SLC9A9: variants seen among roughly 807,000 people sequenced by gnomAD.
SLC9A9 encodes the protein sodium/hydrogen exchanger 9.
In SLC9A9, 62 loss-of-function variants were observed where a neutral mutation model predicts 77.8. The observed-to-expected ratio is 0.80, with a 90% CI of 0.65 to 0.98. The LOEUF (loss-of-function observed/expected upper bound fraction) is 0.98. Among genes scored for constraint, SLC9A9 ranks in the 50% least tolerant of loss-of-function variants. The pLI, the probability that SLC9A9 is intolerant of heterozygous loss-of-function variation, is 0.00. For missense variants in SLC9A9, 775 were observed against 774.9 expected, an observed-to-expected ratio of 1.00 and a Z score of 0.00; for synonymous variants, 320 against 283.5, an observed-to-expected ratio of 1.13 and a Z score of -1.29.
intron 11 of SLC9A9, among the ~76,000 whole-genome samples, chr3:143,475,735 T>G (rs2035465278): frequency 6.8e-6 from 1 of 148,114 alleles, no homozygotes; most frequent in Non-Finnish European, 1.5e-5. Flanking sequence ...GAGCTTGCAG[T>G]AAGCTGAGGT....
chr3:143,431,632 C>A (rs2034518459), intron 12 of SLC9A9, among the ~76,000 whole-genome samples: 1 of 152,020 alleles, frequency 6.6e-6, no homozygotes, highest in Non-Finnish European at 1.5e-5. Context: ...CAGGCACCCG[C>A]CACCATGCCC....
At chr3:143,578,211 A>T (rs924811386) in intron 7 of SLC9A9, among the ~76,000 whole-genome samples, 1 of 152,120 alleles carries the variant, frequency 6.6e-6, no homozygotes, top group Non-Finnish European at 1.5e-5. Flanking sequence ...ATCACCCTTA[A>T]TCAATTGTCT....
chr3:143,826,608 A>G lies in SLC9A9; in HGVS notation c.378+5411T>C, dbSNP rs149703740. 7.2e-3 allele frequency among the ~76,000 whole-genome samples: 1,096 copies of G among 152,290 alleles called. 7 individuals are homozygous for G. Among genetic ancestry groups the G allele is most frequent in the Middle Eastern group, 0.014 (4 of 294 alleles). On this transcript the variant is annotated intron_variant, in intron 2 of 15. Coordinates refer to ENST00000316549, the MANE Select transcript of SLC9A9 (RefSeq NM_173653.4). Reference sequence around the variant, plus strand: ...ACTACAAATAGAGAGGGCATTACTCAGCCTGGCATTCAGGGGCTTCCAAAT... The same window carrying G: ...ACTACAAATAGAGAGGGCATTACTCGGCCTGGCATTCAGGGGCTTCCAAAT...
chr3:143,841,793 A>T (rs1489316505), intron 1 of SLC9A9, among the ~76,000 whole-genome samples: 17 of 26,564 alleles, frequency 6.4e-4, no homozygotes, highest in Admixed American at 2.1e-3. Flanking sequence ...TCTTCCCGTC[A>T]CCTAGGTTGG....
At chr3:143,474,941 G>A (rs1043889310) in intron 11 of SLC9A9, among the ~76,000 whole-genome samples, 1 of 145,836 alleles carries the variant, frequency 6.9e-6, no homozygotes, top group Non-Finnish European at 1.5e-5. Context: ...AGACCTAAGT[G>A]CTCTCACCTT....
chr3:143,502,681 G>A (rs2035944633), intron 9 of SLC9A9, among the ~76,000 whole-genome samples: 1 of 152,040 alleles, frequency 6.6e-6, no homozygotes, highest in South Asian at 2.1e-4. Context: ...CAGCTTTTAT[G>A]AGGCTCGACA....
At chr3:143,588,586 A>G (rs2037594120) in intron 6 of SLC9A9, among the ~76,000 whole-genome samples, 1 of 152,244 alleles carries the variant, frequency 6.6e-6, no homozygotes, top group Non-Finnish European at 1.5e-5. Flanking sequence ...GTTATGAATT[A>G]TATGTGCATT....
chr3:143,268,311 G>C (rs1029725791), intron 15 of SLC9A9, among the ~76,000 whole-genome samples: 1 of 152,156 alleles, frequency 6.6e-6, no homozygotes, highest in Non-Finnish European at 1.5e-5. Context: ...AGTTTGTGAG[G>C]ATGCTTCTTT....
At chr3:143,801,292 T>G (rs1203705113) in intron 2 of SLC9A9, among the ~76,000 whole-genome samples, 3 of 152,222 alleles carry the variant, frequency 2.0e-5, no homozygotes, top group African/African-American at 7.2e-5. Context: ...TGTTTTAGAC[T>G]GGCCATGATG....
intron 4 of SLC9A9, among the ~76,000 whole-genome samples, chr3:143,737,264 G>T (rs1030921434): frequency 6.6e-6 from 1 of 152,024 alleles, no homozygotes; most frequent in Non-Finnish European, 1.5e-5. Context: ...TCCTTTAATT[G>T]TTCTATTACT....
intron 14 of SLC9A9, among the ~76,000 whole-genome samples, chr3:143,322,686 T>G (rs775095573): frequency 2.0e-5 from 3 of 152,214 alleles, no homozygotes; most frequent in Non-Finnish European, 2.9e-5. Flanking sequence ...TGTGTATGTG[T>G]TCAAACCAGA....
chr3:143,515,221 A>G (rs1019868218), intron 9 of SLC9A9, among the ~76,000 whole-genome samples: 4 of 152,234 alleles, frequency 2.6e-5, no homozygotes, highest in Non-Finnish European at 4.4e-5. Flanking sequence ...CATGGTTCAT[A>G]ATGCCCCTAA....
chr3:143,681,956 A>G (rs1240576805), intron 5 of SLC9A9, among the ~76,000 whole-genome samples: 23 of 152,216 alleles, frequency 1.5e-4, no homozygotes, highest in Admixed American at 1.4e-3. Flanking sequence ...CCTTCCTACC[A>G]CCAACGTCCA....
intron 12 of SLC9A9, among the ~76,000 whole-genome samples, chr3:143,417,698 G>T (rs1424823627): frequency 6.6e-6 from 1 of 152,034 alleles, no homozygotes; most frequent in Non-Finnish European, 1.5e-5. Flanking sequence ...AACAGACTCT[G>T]CCAGCACTTT....
At chr3:143,437,629 C>A (rs1016942063) in intron 12 of SLC9A9, among the ~76,000 whole-genome samples, 1 of 152,212 alleles carries the variant, frequency 6.6e-6, no homozygotes, top group Non-Finnish European at 1.5e-5. Context: ...AAATTCTATA[C>A]GCAGAGGGAG....
chr3:143,549,424 C>G (rs1464386452), intron 9 of SLC9A9, among the ~76,000 whole-genome samples: 1 of 151,800 alleles, frequency 6.6e-6, no homozygotes, highest in Non-Finnish European at 1.5e-5. Context: ...AATGACAGAT[C>G]CTGATAGAAA....
At chr3:143,714,229 T>C (rs1934272800) in intron 4 of SLC9A9, among the ~76,000 whole-genome samples, 1 of 152,162 alleles carries the variant, frequency 6.6e-6, no homozygotes, top group Non-Finnish European at 1.5e-5. Context: ...GATCCTTTTC[T>C]GGCTTTGAGG....
intron 14 of SLC9A9, among the ~76,000 whole-genome samples, chr3:143,272,635 G>T (rs1158021132): frequency 6.6e-6 from 1 of 152,006 alleles, no homozygotes; most frequent in African/African-American, 2.4e-5. Flanking sequence ...TGGATCTCCA[G>T]GGTTACCTGA....
At chr3:143,539,876 A>AAG (rs67678469) in intron 9 of SLC9A9, among the ~76,000 whole-genome samples, 8,421 of 150,402 alleles carry the variant, frequency 0.056, 405 homozygotes, top group African/African-American at 0.13. Flanking sequence ...GTGAAAAATT[A>AAG]AGAGAGAGAG....
Sources: allele counts gnomAD v4.1 joint callset (sites outside exome capture counted in the v4.1 genomes callset), GRCh38; gene constraint gnomAD v4.1.1; transcripts MANE v1.5; gene names NCBI Gene and HGNC (gene_info 2026-07-23, HGNC 2026-07-21).